IGF2BP2: variants seen among roughly 807,000 people sequenced by gnomAD.
IGF2BP2 encodes insulin-like growth factor 2 mRNA-binding protein 2.
A neutral mutation model predicts 75.8 loss-of-function variants in IGF2BP2; 17 were observed. That is an observed-to-expected ratio of 0.22 (90% CI 0.15 to 0.34). The LOEUF (loss-of-function observed/expected upper bound fraction) is 0.34, where lower values mean the gene tolerates loss of function less well. Ranked by LOEUF, IGF2BP2 falls within the 10% of genes least tolerant of loss-of-function variation. The probability of loss-of-function intolerance (pLI) is 1.00; values close to 1 mark genes in which losing one functional copy is unlikely to be tolerated. For synonymous variants in IGF2BP2, 288 were observed against 295.6 expected (o/e 0.97, Z 0.26); for missense variants, 516 against 772.4 (o/e 0.67, Z 3.93).
chr3:185,785,223 C>T (rs1419339976), intron 2 of IGF2BP2, among the ~76,000 whole-genome samples: 1 of 151,056 alleles, frequency 6.6e-6, no homozygotes, highest in Non-Finnish European at 1.5e-5. Context: ...ATCGCTTGAA[C>T]CTGGGAGATG....
chr3:185,807,100 AAAGT>A (rs1739125245), intron 2 of IGF2BP2, among the ~76,000 whole-genome samples: 1 of 152,232 alleles, frequency 6.6e-6, no homozygotes, highest in Non-Finnish European at 1.5e-5. Context: ...TGCTGGCAGA[AAAGT>A]AACAAACAAC....
At chr3:185,823,869 G>T (rs1741685802) in intron 1 of IGF2BP2, among the ~76,000 whole-genome samples, 1 of 151,382 alleles carries the variant, frequency 6.6e-6, no homozygotes, top group African/African-American at 2.4e-5. Flanking sequence ...GCGCGCGAGT[G>T]TGTGTGTGTG....
intron 2 of IGF2BP2, chr3:185,722,248 C>T (rs1726681536): frequency 6.6e-6 from 3 of 456,124 alleles, no homozygotes; most frequent in South Asian, 4.6e-5. Flanking sequence ...GTGTTTATCC[C>T]CATTCCATAG....
At position 185,672,280 on chromosome 3, in the gene IGF2BP2, G is replaced by C. The variant is rs113704443; in HGVS notation, c.1200+261C>G. On this transcript the variant is annotated intron_variant, in intron 10 of 15. Transcript: ENST00000382199. ...TTCTATAATAAATTAGCTTCTAGTT[G>C]ATGAATTTGCTATGAGTTTCTTTCT... Among the ~76,000 whole-genome samples, 287 of 152,252 alleles carry C rather than the reference G, an allele frequency of 1.9e-3. 3 individuals carry two copies. Among genetic ancestry groups the C allele is most frequent in the African/African-American group, 6.2e-3 (257 of 41,546 alleles).
chr3:185,668,994 C>CA lies in IGF2BP2; in HGVS notation c.1200+3546dup, dbSNP rs767525020. 4.0e-5 allele frequency among the ~76,000 whole-genome samples: 6 copies of CA among 151,732 alleles called. No individual in the cohort carries two copies. In the East Asian group the frequency reaches 7.7e-4, roughly 20 times the overall value. ...AGAACCTAAGCTATAACTGAGGGGC[C>CA]AAAAATACAGAAAGCAACTTATCAG... On this transcript the variant is annotated intron_variant, in intron 10 of 15. Coordinates refer to ENST00000382199, the MANE Select transcript of IGF2BP2 (RefSeq NM_006548.6).
chr3:185,749,256 G>T (rs1473494990), intron 2 of IGF2BP2, among the ~76,000 whole-genome samples: 1 of 152,190 alleles, frequency 6.6e-6, no homozygotes. Context: ...TACATGTCAA[G>T]GCTCTGTTGT....
chr3:185,785,300 C>CAAA (rs1230648409), intron 2 of IGF2BP2, among the ~76,000 whole-genome samples: 2 of 67,680 alleles, frequency 3.0e-5, no homozygotes, highest in South Asian at 1.2e-3. Context: ...GACTCCTTCT[C>CAAA]AAAAAAAAAA....
intron 5 of IGF2BP2, among the ~76,000 whole-genome samples, chr3:185,690,501 A>G (rs1015772806): frequency 1.0e-3 from 152 of 152,360 alleles, no homozygotes; most frequent in African/African-American, 3.6e-3. Context: ...CAGTATCAGT[A>G]TAATTTTTAA....
chr3:185,783,593 G>A (rs1050970885), intron 2 of IGF2BP2, among the ~76,000 whole-genome samples: 1 of 152,178 alleles, frequency 6.6e-6, no homozygotes, highest in African/African-American at 2.4e-5. Flanking sequence ...ATCACCTTAT[G>A]TAAAAACAGA....
chr3:185,662,098 G>A (rs1045647806), intron 10 of IGF2BP2, among the ~76,000 whole-genome samples: 3 of 152,182 alleles, frequency 2.0e-5, no homozygotes, highest in African/African-American at 7.2e-5. Context: ...CGGGTGCTAT[G>A]TGGCATTCAG....
rs747706997 is a variant in IGF2BP2, at chr3:185,824,973, C to G, written c.-13G>C. 1.2e-5 allele frequency: 18 copies of G among 1,489,758 alleles called. No homozygotes were observed. In the African/African-American group the frequency reaches 2.3e-4, roughly 19 times the overall value. The allele number at this position is 1,489,758 out of a possible 1,614,324, so 92.3% of individuals were successfully genotyped here. The stretch of plus-strand genomic sequence containing the variant: ...GCTTGTTCATCATCCGTCTCTTCCC[C>G]GAGAGCCCGCGGCTCCCCCGGCCCG... On this transcript the variant is annotated 5_prime_UTR_variant, in exon 1 of 16. Coordinates refer to ENST00000382199, the MANE Select transcript of IGF2BP2 (RefSeq NM_006548.6).
At chr3:185,716,927 C>T in intron 2 of IGF2BP2, 1 of 437,702 alleles carries the variant, frequency 2.3e-6, no homozygotes, top group East Asian at 5.7e-5. Flanking sequence ...CTCTGCTGCC[C>T]AGCCAGACTC....
chr3:185,702,283 C>T (rs886996686), intron 2 of IGF2BP2, among the ~76,000 whole-genome samples: 13 of 152,078 alleles, frequency 8.5e-5, no homozygotes, highest in Non-Finnish European at 1.6e-4. Context: ...CCCAGGAAAA[C>T]GAATTGTCTA....
At chr3:185,684,001 C>A (rs1720761534) in intron 7 of IGF2BP2, among the ~76,000 whole-genome samples, 1 of 152,062 alleles carries the variant, frequency 6.6e-6, no homozygotes, top group Admixed American at 6.5e-5. Flanking sequence ...ATTGGTTATA[C>A]CACTTGTATT....
chr3:185,658,620 G>A (rs1245812991), intron 10 of IGF2BP2, among the ~76,000 whole-genome samples: 1 of 152,216 alleles, frequency 6.6e-6, no homozygotes, highest in Non-Finnish European at 1.5e-5. Flanking sequence ...TCCCCTGGTT[G>A]CAGTAGCTCT....
intron 2 of IGF2BP2, among the ~76,000 whole-genome samples, chr3:185,772,396 A>C (rs73175572): frequency 1.3e-5 from 2 of 152,002 alleles, no homozygotes; most frequent in Non-Finnish European, 2.9e-5. Context: ...AATATTTTCA[A>C]ATTTATCTTT....
At position 185,645,672 on chromosome 3, in the gene IGF2BP2, C is replaced by T; in HGVS notation, c.1708-49G>A. 1 of 1,462,454 alleles carries T rather than the reference C, an allele frequency of 6.8e-7. No homozygotes were observed. The highest frequency in any genetic ancestry group is 9.6e-7 in the Non-Finnish European group (1 of 1,042,272). The allele number at this position is 1,462,454 out of a possible 1,614,324, so 90.6% of individuals were successfully genotyped here. A position where few individuals can be genotyped will look rare whatever the true frequency, so the allele number is the denominator to read the frequency against. On this transcript the variant is annotated intron_variant, in intron 15 of 15. Transcript: ENST00000382199. This position sits in a 1 kb window ranked among gnomAD's most constrained non-coding sequence, Gnocchi z 4.9. ...AGGAAGGGACAGGGGAAAAAAGGAA[C>T]CCAGTTCTGAGGACAAACGGCAGGG...
chr3:185,656,939 C>T (rs76801908), intron 12 of IGF2BP2, among the ~76,000 whole-genome samples: 2 of 152,266 alleles, frequency 1.3e-5, no homozygotes, highest in Non-Finnish European at 2.9e-5. Context: ...ATTAAAGCAC[C>T]GCATACTGGT....
intron 2 of IGF2BP2, among the ~76,000 whole-genome samples, chr3:185,786,236 A>G (rs1026108204): frequency 2.6e-5 from 4 of 152,106 alleles, no homozygotes; most frequent in East Asian, 1.9e-4. Flanking sequence ...CCAAGAATCA[A>G]TGTTCACTCC....
Sources: allele counts gnomAD v4.1 joint callset (sites outside exome capture counted in the v4.1 genomes callset), GRCh38; gene constraint gnomAD v4.1.1; non-coding constraint Gnocchi (gnomAD v3.1); transcripts MANE v1.5; gene names NCBI Gene and HGNC (gene_info 2026-07-23, HGNC 2026-07-21).